ROBO2: variants seen among roughly 807,000 people sequenced by gnomAD.
The protein encoded by ROBO2 is roundabout homolog 2.
A neutral mutation model predicts 160.8 loss-of-function variants in ROBO2; 53 were observed. The observed-to-expected ratio is 0.33, with a 90% CI of 0.26 to 0.41. The LOEUF (loss-of-function observed/expected upper bound fraction) is 0.41, where lower values mean the gene tolerates loss of function less well. Ranked by LOEUF, ROBO2 falls within the 10% of genes least tolerant of loss-of-function variation. The pLI is 1.00. For synonymous variants in ROBO2, 664 were observed against 611.7 expected (o/e 1.09, Z -1.26); for missense variants, 1,577 against 1,722.4 (o/e 0.92, Z 1.49).
chr3:77,386,847 C>A (rs1299468527), intron 2 of ROBO2, among the ~76,000 whole-genome samples: 1 of 151,884 alleles, frequency 6.6e-6, no homozygotes, highest in Non-Finnish European at 1.5e-5. Context: ...AGATGACCCA[C>A]CTGCCTTGGC....
intron 2 of ROBO2, among the ~76,000 whole-genome samples, chr3:76,582,107 G>C (rs1374319304): frequency 1.3e-5 from 2 of 152,148 alleles, no homozygotes. Context: ...GACCTGTCCT[G>C]AGAACTAATT....
chr3:77,407,311 T>C (rs1050615949), intron 2 of ROBO2, among the ~76,000 whole-genome samples: 1 of 151,792 alleles, frequency 6.6e-6, no homozygotes, highest in African/African-American at 2.4e-5. Context: ...AACTCTAGAG[T>C]AGTTTTCTCT....
rs112198353 is a variant in ROBO2, at chr3:76,119,880, TCCTTC to T, written c.109+182290_109+182294del. Among the ~76,000 whole-genome samples the T allele has an allele frequency of 5.6e-3, 751 of 133,748 alleles. 14 individuals are homozygous for T. Among genetic ancestry groups the T allele is most frequent in the Admixed American group, 0.023 (306 of 13,394 alleles). The allele number at this position is 133,748 out of a possible 152,430, so 87.7% of individuals were successfully genotyped here. ...TCTCTCTCCCTCCCCTTCCTTCCCT[TCCTTC>T]CCTTCCCTTCCTTCCCTTCCTTCCC... On this transcript the variant is annotated intron_variant, in intron 2 of 26. Transcript: ENST00000487694.
intron 2 of ROBO2, among the ~76,000 whole-genome samples, chr3:77,219,404 G>C (rs978880713): frequency 6.9e-5 from 10 of 144,602 alleles, no homozygotes; most frequent in Non-Finnish European, 1.5e-5. Context: ...AAAATTTTGA[G>C]AGAATCATCT....
chr3:77,024,753 T>A (rs375288057), intron 2 of ROBO2, among the ~76,000 whole-genome samples: 3 of 152,322 alleles, frequency 2.0e-5, no homozygotes, highest in East Asian at 1.9e-4. Flanking sequence ...TTTTATCACA[T>A]GAATCTCAGT....
intron 2 of ROBO2, among the ~76,000 whole-genome samples, chr3:76,360,376 C>G (rs1335495853): frequency 1.3e-5 from 2 of 151,882 alleles, no homozygotes; most frequent in East Asian, 3.9e-4. Context: ...ATGGGGTGGC[C>G]AAGCGTGCAG....
chr3:75,940,533 G>A (rs377430442), intron 2 of ROBO2, among the ~76,000 whole-genome samples: 6 of 152,046 alleles, frequency 3.9e-5, no homozygotes, highest in East Asian at 3.9e-4. Flanking sequence ...ATTCCCTGAC[G>A]TGGACTCTGT....
At chr3:77,176,910 G>A (rs1434256466) in intron 2 of ROBO2, among the ~76,000 whole-genome samples, 4 of 151,876 alleles carry the variant, frequency 2.6e-5, no homozygotes, top group African/African-American at 9.7e-5. Context: ...GATATGGTCT[G>A]TTTGTAGAAA....
intron 2 of ROBO2, among the ~76,000 whole-genome samples, chr3:76,576,409 C>T (rs780891590): frequency 6.6e-6 from 1 of 151,936 alleles, no homozygotes; most frequent in Admixed American, 6.6e-5. Flanking sequence ...TGAATGCAAC[C>T]GTCTTGAGAC....
At chr3:77,309,258 C>T (rs918175417) in intron 2 of ROBO2, among the ~76,000 whole-genome samples, 4 of 152,004 alleles carry the variant, frequency 2.6e-5, no homozygotes, top group African/African-American at 7.3e-5. Context: ...TACATAAATA[C>T]GTAAATACAT....
intron 6 of ROBO2, among the ~76,000 whole-genome samples, chr3:77,527,679 T>A (rs867661694): frequency 2.6e-5 from 4 of 151,548 alleles, no homozygotes; most frequent in Non-Finnish European, 4.4e-5. Flanking sequence ...ACTGCTAGCT[T>A]TTCTTATAGG....
At chr3:76,089,693 T>A (rs2069151404) in intron 2 of ROBO2, among the ~76,000 whole-genome samples, 1 of 152,120 alleles carries the variant, frequency 6.6e-6, no homozygotes, top group South Asian at 2.1e-4. Flanking sequence ...ATAAAGCATA[T>A]CTGGAGAAAG....
intron 9 of ROBO2, among the ~76,000 whole-genome samples, chr3:77,561,182 T>C (rs907650535): frequency 6.6e-6 from 1 of 152,202 alleles, no homozygotes; most frequent in African/African-American, 2.4e-5. Context: ...CAGGCACTAA[T>C]GATTTACCTG....
In ROBO2 at chr3:77,136,166, C is replaced by T. The variant is rs185543963; in HGVS notation, c.388+37826C>T. On this transcript the variant is annotated intron_variant, in intron 2 of 25. Coordinates refer to ENST00000461745, the Ensembl canonical transcript of ROBO2. ...CACATAATGTGGTATTACAGAATGACGAATTATAGAAAGATCTGGAATATT... is the reference window on the plus strand; with the variant it reads ...CACATAATGTGGTATTACAGAATGATGAATTATAGAAAGATCTGGAATATT... Among the ~76,000 whole-genome samples, 26 of 152,078 alleles carry T rather than the reference C, an allele frequency of 1.7e-4. No individual in the cohort carries two copies. In the South Asian group the frequency reaches 2.3e-3, roughly 13 times the overall value.
At chr3:76,829,591 C>G (rs564607809) in intron 2 of ROBO2, among the ~76,000 whole-genome samples, 1,534 of 152,194 alleles carry the variant, frequency 0.01, 25 homozygotes, top group African/African-American at 0.035. Flanking sequence ...TCTTCTCCCA[C>G]CATCATCCCT....
intron 2 of ROBO2, among the ~76,000 whole-genome samples, chr3:77,223,978 A>G (rs970147301): frequency 6.6e-6 from 1 of 151,964 alleles, no homozygotes; most frequent in Non-Finnish European, 1.5e-5. Flanking sequence ...TTTAAGGGAG[A>G]CAAATGGATA....
At chr3:76,474,068 A>G (rs1277107555) in intron 2 of ROBO2, among the ~76,000 whole-genome samples, 1 of 152,188 alleles carries the variant, frequency 6.6e-6, no homozygotes, top group Non-Finnish European at 1.5e-5. Flanking sequence ...AAGGTTATAG[A>G]GTAAGTTCCT....
intron 2 of ROBO2, among the ~76,000 whole-genome samples, chr3:76,735,786 A>AGGGGGG (rs71104616): frequency 7.9e-6 from 1 of 126,600 alleles, no homozygotes; most frequent in South Asian, 2.5e-4. Flanking sequence ...GAAAAAAAAA[A>AGGGGGG]GGGGAAAGGG....
At chr3:76,688,783 C>G (rs918727532) in intron 2 of ROBO2, among the ~76,000 whole-genome samples, 2 of 152,016 alleles carry the variant, frequency 1.3e-5, no homozygotes, top group South Asian at 4.1e-4. Flanking sequence ...CAGCTTTATA[C>G]CCAATTTGTA....
Sources: gnomAD v4.1 joint callset for allele counts (sites outside exome capture counted in the v4.1 genomes callset) on GRCh38, gnomAD v4.1.1 for gene constraint, MANE v1.5 for transcripts, NCBI Gene and HGNC (gene_info 2026-07-23, HGNC 2026-07-21) for gene names.